TRIM27: variants seen among roughly 807,000 people sequenced by gnomAD.
The protein encoded by TRIM27 is tripartite motif containing 27, also known as zinc finger protein RFP.
Under a neutral mutation model 57.6 loss-of-function variants are expected in TRIM27, and 12 were observed. That is an observed-to-expected ratio of 0.21 (90% CI 0.13 to 0.34). The LOEUF (loss-of-function observed/expected upper bound fraction) is 0.34, where lower values mean the gene tolerates loss of function less well. Among genes scored for constraint, TRIM27 ranks in the 10% least tolerant of loss-of-function variants. The probability of loss-of-function intolerance (pLI) is 1.00; values close to 1 mark genes in which losing one functional copy is unlikely to be tolerated. For synonymous variants in TRIM27, 266 were observed against 259.0 expected, an observed-to-expected ratio of 1.03 and a Z score of -0.26; for missense variants, 403 against 656.8, an observed-to-expected ratio of 0.61 and a Z score of 4.22.
chr6:28,904,032 A>G lies in TRIM27; in HGVS notation c.*38T>C, dbSNP rs1772583543. ...CAAGATGCCTTGTGCCTGGCGTAGG[A>G]TTACAGCCAACAGCCCTTTTGGCCT... On this transcript the variant is annotated 3_prime_UTR_variant, in exon 8 of 8. Coordinates refer to ENST00000377199, the MANE Select transcript of TRIM27 (RefSeq NM_006510.5). This position sits in a 1 kb window ranked among gnomAD's most constrained non-coding sequence, Gnocchi z 6.1. The G allele has an allele frequency of 1.9e-6, 3 of 1,559,654 alleles. No homozygotes were observed. The highest frequency in any genetic ancestry group is 3.5e-5 in the Admixed American group (2 of 57,440).
intron 7 of TRIM27, 32 bp downstream of exon 7, chr6:28,907,203 TA>T (rs762571029): frequency 2.5e-6 from 4 of 1,593,682 alleles, no homozygotes; most frequent in Non-Finnish European, 3.4e-6. Flanking sequence ...TTTTACTCCT[TA>T]CCCTAATATG....
Position 28,920,169 on chromosome 6 carries a change from T to TC in TRIM27, c.589dup (p.Glu197GlyfsTer9). 6.2e-7 allele frequency: 1 copy of TC among 1,614,162 alleles called. No homozygotes were observed. The highest frequency in any genetic ancestry group is 8.5e-7 in the Non-Finnish European group (1 of 1,180,018). On this transcript the variant is annotated frameshift_variant, in exon 3 of 8. Transcript: ENST00000377199. LOFTEE classifies it high-confidence loss of function. ...CTCAAGGCGGGCCAGGAGGCGATAC[T>TC]CATGCTCCTTTAAGGAGTGATACAG...
In TRIM27 at chr6:28,904,265, G is replaced by A. The variant is rs1365023720; in HGVS notation, c.1347C>T (p.Phe449=). Residue 449 remains phenylalanine (F), a synonymous_variant, in exon 8 of 8, where the codon TTC becomes TTT. Transcript: ENST00000377199. This position sits in a 1 kb window ranked among gnomAD's most constrained non-coding sequence, Gnocchi z 6.1. The part of the protein sequence containing the change: ...FLDYDAGEVS[F]YNVTERCHTF... Reference sequence around the variant, plus strand: ...TGTGACACCTCTCTGTCACGTTGTAGAAGGAGACCTCACCAGCATCATAGT... The same window carrying A: ...TGTGACACCTCTCTGTCACGTTGTAAAAGGAGACCTCACCAGCATCATAGT... The A allele has an allele frequency of 6.2e-7, 1 of 1,613,018 alleles. No individual in the cohort carries two copies. The highest frequency in any genetic ancestry group is 1.3e-5 in the African/African-American group (1 of 74,942).
Position 28,920,007 on chromosome 6 carries a change from C to A in TRIM27, c.747+5G>T, listed in dbSNP as rs1479016185. ...GCTGCTCTAGCAGGGCTCTGCAAGC[C>A]TTACCTGCAGGAGCTCCCTGGTGGG... is the stretch of plus-strand genomic sequence containing the variant. On this transcript the variant is annotated splice_donor_5th_base_variant and intron_variant, in intron 3 of 7. Transcript: ENST00000377199. 1.9e-6 allele frequency: 3 copies of A among 1,610,244 alleles called. No homozygotes were observed. The highest frequency in any genetic ancestry group is 2.5e-6 in the Non-Finnish European group (3 of 1,178,544).
chr6:28,920,760 TG>T (rs1479055916), intron 2 of TRIM27, among the ~76,000 whole-genome samples: 1 of 152,086 alleles, frequency 6.6e-6, no homozygotes, highest in Non-Finnish European at 1.5e-5. Flanking sequence ...CCTGGGAGGC[TG>T]GGGGTAAGGA....
At chr6:28,907,162 C>T (rs1238202408) in intron 7 of TRIM27, 74 bp downstream of exon 7, 2 of 1,376,708 alleles carry the variant, frequency 1.5e-6, no homozygotes, top group Non-Finnish European at 2.0e-6. Flanking sequence ...ATTTCCAAAT[C>T]ATTCATAATA....
In TRIM27 at chr6:28,923,229, G is replaced by A; in HGVS notation, c.404C>T (p.Ala135Val). The A allele has an allele frequency of 1.9e-6, 3 of 1,593,154 alleles. No homozygotes were observed. The highest frequency in any genetic ancestry group is 2.6e-6 in the Non-Finnish European group (3 of 1,169,884). The part of the protein sequence containing the change: ...RGHSVLPLEE[A>V]VEGFKEQIQN... ...CGCCCTCACCTTGAAGCCCTCCACC[G>A]CCTCCTCGAGCGGCAGCACGCTGTG... Residue 135 changes from alanine (A) to valine (V), a missense_variant, in exon 1 of 8, where the codon GCG becomes GTG. Coordinates refer to ENST00000377199, the MANE Select transcript of TRIM27 (RefSeq NM_006510.5).
At chr6:28,908,471 T>C in intron 6 of TRIM27, 1 of 287,316 alleles carries the variant, frequency 3.5e-6, no homozygotes, top group Admixed American at 5.0e-5. Context: ...ATTACAATGA[T>C]AAACACTGGC....
chr6:28,919,044 C>T lies in TRIM27; in HGVS notation c.747+968G>A, dbSNP rs1221787601. Among the ~76,000 whole-genome samples, 6 of 151,670 alleles carry T rather than the reference C, an allele frequency of 4.0e-5. No homozygotes were observed. In the East Asian group the frequency reaches 5.8e-4, roughly 15 times the overall value. The stretch of plus-strand genomic sequence containing the variant: ...TATTTATTTTTTTGAGACAGAGTCT[C>T]GCTCTGTTGCCCAGGCTGGAGTACA... On this transcript the variant is annotated intron_variant, in intron 3 of 7. Coordinates refer to ENST00000377199, the MANE Select transcript of TRIM27 (RefSeq NM_006510.5).
Position 28,904,029 on chromosome 6 carries a change from A to G in TRIM27, c.*41T>C, listed in dbSNP as rs1412140255. The G allele has an allele frequency of 6.5e-7, 1 of 1,539,536 alleles. No homozygotes were observed. Reference sequence around the variant, plus strand: ...CAACAAGATGCCTTGTGCCTGGCGTAGGATTACAGCCAACAGCCCTTTTGG... The same window carrying G: ...CAACAAGATGCCTTGTGCCTGGCGTGGGATTACAGCCAACAGCCCTTTTGG... On this transcript the variant is annotated 3_prime_UTR_variant, in exon 8 of 8. Coordinates refer to ENST00000377199, the MANE Select transcript of TRIM27 (RefSeq NM_006510.5). The surrounding 1 kb of genome is among the most constrained non-coding windows in gnomAD (Gnocchi z 6.1).
intron 3 of TRIM27, among the ~76,000 whole-genome samples, chr6:28,919,499 A>G (rs1773866008): frequency 6.6e-6 from 1 of 152,216 alleles, no homozygotes; most frequent in African/African-American, 2.4e-5. Context: ...CATTTCCTGT[A>G]GTCTTGCCGG....
chr6:28,904,484 C>A lies in TRIM27; in HGVS notation c.1128G>T (p.Glu376Asp). 1.2e-6 allele frequency: 2 copies of A among 1,613,038 alleles called. No homozygotes were observed. Among genetic ancestry groups the A allele is most frequent in the Non-Finnish European group, 1.7e-6 (2 of 1,180,024 alleles). Reference sequence around the variant, plus strand: ...TGGTCCACTTGGCTTTATCTCCCACCTCTACCTCCCAATAATGTCTCCCGG... The same window carrying A: ...TGGTCCACTTGGCTTTATCTCCCACATCTACCTCCCAATAATGTCTCCCGG... The part of the protein sequence containing the change: ...FIAGRHYWEV[E>D]VGDKAKWTIG... The change falls in exon 8 of 8, where the codon GAG becomes GAT. Residue 376 changes from glutamate (E) to aspartate (D), a missense_variant. Physicochemically the swap from Glu to Asp is conservative, Grantham distance 45. Coordinates refer to ENST00000377199, the MANE Select transcript of TRIM27 (RefSeq NM_006510.5). This position sits in a 1 kb window ranked among gnomAD's most constrained non-coding sequence, Gnocchi z 6.1.
rs1774223040 is a variant in TRIM27, at chr6:28,923,512, C to A, written c.121G>T (p.Ala41Ser). The A allele has an allele frequency of 1.2e-6, 2 of 1,611,918 alleles. No homozygotes were observed. The highest frequency in any genetic ancestry group is 1.7e-4 in the Middle Eastern group (1 of 6,004). Residue 41 changes from alanine to serine, a missense_variant, in exon 1 of 8, where the codon GCC becomes TCC. Ala to Ser is a moderately conservative substitution (Grantham distance 99). Transcript: ENST00000377199. ...GTCTCTGCCGTGCCCCAGCAGCGGG[C>A]GAGGCACGCGCAACAGATGTTATGG... ...CGHNICCACLARCWGTAETNV... is the reference protein window; with the variant it reads ...CGHNICCACLSRCWGTAETNV...
chr6:28,912,566 C>T (rs1263613655), intron 3 of TRIM27, among the ~76,000 whole-genome samples: 1 of 151,316 alleles, frequency 6.6e-6, no homozygotes. Context: ...TACTGAAAAC[C>T]ACTCCGTATC....
chr6:28,910,123 G>GAAAAAAAAAAAAAAAAAAGA (rs1773078149), intron 4 of TRIM27, among the ~76,000 whole-genome samples: 1 of 97,622 alleles, frequency 1.0e-5, no homozygotes, highest in Admixed American at 1.2e-4. Context: ...AAAGAAAAAT[G>GAAAAAAAAAAAAAAAAAAGA]AAAAAAAAAA....
At chr6:28,915,084 T>C (rs955857118) in intron 3 of TRIM27, 1 of 152,036 alleles carries the variant, frequency 6.6e-6, no homozygotes, top group Non-Finnish European at 1.5e-5. Context: ...ATACTGGGCA[T>C]CCGGCCTGTT....
intron 1 of TRIM27, 108 bp downstream of exon 1, chr6:28,923,105 C>T: frequency 3.1e-6 from 4 of 1,277,578 alleles, no homozygotes; most frequent in South Asian, 1.5e-5. Context: ...CGGCTGTGAA[C>T]CACACGTCCG....
In TRIM27 at chr6:28,908,856, A is replaced by G. The variant is rs1772968514; in HGVS notation, c.887-16T>C. On this transcript the variant is annotated splice_polypyrimidine_tract_variant and intron_variant, in intron 5 of 7. Transcript: ENST00000377199. ...TGCATTTTTTCTAAGAAAAGAAAACAAGAAAATATTCAGTCTGCATCCCAC... is the reference window on the plus strand; with the variant it reads ...TGCATTTTTTCTAAGAAAAGAAAACGAGAAAATATTCAGTCTGCATCCCAC... 4 of 1,613,624 alleles carry G rather than the reference A, an allele frequency of 2.5e-6. No individual in the cohort carries two copies. Among genetic ancestry groups the G allele is most frequent in the Non-Finnish European group, 3.4e-6 (4 of 1,179,662 alleles).
At chr6:28,912,106 CT>C (rs9280507) in intron 3 of TRIM27, among the ~76,000 whole-genome samples, 15,749 of 136,192 alleles carry the variant, frequency 0.12, 630 homozygotes, top group African/African-American at 0.15. Flanking sequence ...CTCCAGTATA[CT>C]TTTTTTTTTT....
Sources: gnomAD v4.1 joint callset for allele counts (sites outside exome capture counted in the v4.1 genomes callset) on GRCh38, gnomAD v4.1.1 for gene constraint, Gnocchi (gnomAD v3.1) non-coding constraint, MANE v1.5 for transcripts, NCBI Gene and HGNC (gene_info 2026-07-23, HGNC 2026-07-21) for gene names.